PIP4K2A: variants seen among roughly 807,000 people sequenced by gnomAD.
The protein encoded by PIP4K2A is phosphatidylinositol 5-phosphate 4-kinase type-2 alpha.
In PIP4K2A, 14 loss-of-function variants were observed where a neutral mutation model predicts 42.9. The ratio of observed to expected loss-of-function variants is 0.33; its 90% CI spans 0.22 to 0.51. The LOEUF (loss-of-function observed/expected upper bound fraction) is 0.51, where lower values mean the gene tolerates loss of function less well. Ranked by LOEUF, PIP4K2A falls within the 20% of genes least tolerant of loss-of-function variation. The probability of loss-of-function intolerance (pLI) is 0.97; values close to 1 mark genes in which losing one functional copy is unlikely to be tolerated. For missense variants in PIP4K2A, 434 were observed against 519.8 expected, an observed-to-expected ratio of 0.83 and a Z score of 1.61; for synonymous variants, 192 against 192.2, an observed-to-expected ratio of 1.00 and a Z score of 0.01.
At chr10:22,619,799 C>T (rs1313065475) in intron 1 of PIP4K2A, among the ~76,000 whole-genome samples, 5 of 152,152 alleles carry the variant, frequency 3.3e-5, no homozygotes, top group Admixed American at 3.3e-4. Flanking sequence ...AGACAAAAAT[C>T]AAAGATCCAA....
At chr10:22,538,301 G>A (rs1306950759) in intron 9 of PIP4K2A, among the ~76,000 whole-genome samples, 1 of 152,226 alleles carries the variant, frequency 6.6e-6, no homozygotes, top group African/African-American at 2.4e-5. Context: ...GGCACACTAT[G>A]GAGGCGAACT....
chr10:22,558,779 A>C (rs1377732913), intron 6 of PIP4K2A, among the ~76,000 whole-genome samples: 1 of 152,186 alleles, frequency 6.6e-6, no homozygotes, highest in African/African-American at 2.4e-5. Flanking sequence ...ATGAATGTGG[A>C]AAGAGAATAT....
At chr10:22,664,092 T>TATATATATACATATATATATAC (rs1839273536) in intron 1 of PIP4K2A, among the ~76,000 whole-genome samples, 2 of 62,896 alleles carry the variant, frequency 3.2e-5, no homozygotes, top group African/African-American at 1.2e-4. Context: ...TATATATACA[T>TATATATATACATATATATATAC]ATATATATAT....
At chr10:22,634,705 T>C (rs1588676647) in intron 1 of PIP4K2A, among the ~76,000 whole-genome samples, 1 of 152,316 alleles carries the variant, frequency 6.6e-6, no homozygotes, top group Non-Finnish European at 1.5e-5. Flanking sequence ...AGGTGTAAAG[T>C]GTTTTAGGAA....
At chr10:22,579,282 G>A (rs1329970797) in intron 4 of PIP4K2A, among the ~76,000 whole-genome samples, 1 of 152,174 alleles carries the variant, frequency 6.6e-6, no homozygotes, top group African/African-American at 2.4e-5. Context: ...AGCATCACGG[G>A]AGAAACAGAA....
At chr10:22,694,970 A>G (rs904578162) in intron 1 of PIP4K2A, among the ~76,000 whole-genome samples, 1 of 152,232 alleles carries the variant, frequency 6.6e-6, no homozygotes, top group Non-Finnish European at 1.5e-5. Context: ...CCAGTTAGAA[A>G]GCACAGTCAA....
At chr10:22,710,545 T>C (rs912107920) in intron 1 of PIP4K2A, among the ~76,000 whole-genome samples, 2 of 152,220 alleles carry the variant, frequency 1.3e-5, no homozygotes, top group Admixed American at 1.3e-4. Flanking sequence ...TTCCCTGCTC[T>C]GTGGAGGAAC....
intron 1 of PIP4K2A, among the ~76,000 whole-genome samples, chr10:22,698,287 C>A (rs1425132199): frequency 6.6e-6 from 1 of 152,200 alleles, no homozygotes; most frequent in Non-Finnish European, 1.5e-5. Flanking sequence ...TTATTCCAAT[C>A]TTTGCTGTTC....
chr10:22,557,446 T>C (rs1836581133), intron 6 of PIP4K2A, among the ~76,000 whole-genome samples: 1 of 152,174 alleles, frequency 6.6e-6, no homozygotes, highest in South Asian at 2.1e-4. Context: ...ACCAAAAGAG[T>C]TAAATGCTTT....
intron 6 of PIP4K2A, among the ~76,000 whole-genome samples, chr10:22,556,704 A>T (rs1321290420): frequency 6.6e-6 from 1 of 152,206 alleles, no homozygotes; most frequent in African/African-American, 2.4e-5. Flanking sequence ...TAACCAAAAT[A>T]CTAGGGAATG....
At chr10:22,607,434 G>A (rs1048270127) in intron 3 of PIP4K2A, among the ~76,000 whole-genome samples, 42 of 152,278 alleles carry the variant, frequency 2.8e-4, no homozygotes, top group African/African-American at 1.0e-3. Flanking sequence ...TCACTCCACA[G>A]TCCAGCACTG....
At chr10:22,699,029 G>A (rs1833653472) in intron 1 of PIP4K2A, among the ~76,000 whole-genome samples, 2 of 152,084 alleles carry the variant, frequency 1.3e-5, no homozygotes, top group Non-Finnish European at 1.5e-5. Flanking sequence ...GTGAGTATCC[G>A]ATGCCAGAAC....
chr10:22,664,674 T>G (rs1311584830), intron 1 of PIP4K2A, among the ~76,000 whole-genome samples: 1 of 152,162 alleles, frequency 6.6e-6, no homozygotes, highest in East Asian at 1.9e-4. Context: ...ACTTTTATTT[T>G]TTAATGCTAA....
At position 22,714,413 on chromosome 10, in the gene PIP4K2A, T is replaced by C. The variant is rs1163957468; in HGVS notation, c.-87A>G. ...ACCCCGGCCCGGGGAGGCAGCCGCA[T>C]CCCCCCGGCGGCGGCCCCGGCGCGC... On this transcript the variant is annotated 5_prime_UTR_variant, in exon 1 of 10. An upstream start codon of the reference 5' UTR is lost. Coordinates refer to ENST00000376573, the MANE Select transcript of PIP4K2A (RefSeq NM_005028.5). The C allele has an allele frequency of 1.9e-5, 18 of 967,018 alleles. No homozygotes were observed. Among genetic ancestry groups the C allele is most frequent in the Non-Finnish European group, 2.3e-5 (18 of 783,620 alleles). The allele number at this position is 967,018 out of a possible 1,614,324, so 59.9% of individuals were successfully genotyped here. A position where few individuals can be genotyped will look rare whatever the true frequency, so the allele number is the denominator to read the frequency against.
rs113929543 is a variant in PIP4K2A, at chr10:22,589,270, G to C, written c.492+2359C>G. 3.9e-5 allele frequency among the ~76,000 whole-genome samples: 6 copies of C among 152,116 alleles called. No individual in the cohort carries two copies. In the East Asian group the frequency reaches 1.2e-3, roughly 29 times the overall value. On this transcript the variant is annotated intron_variant, in intron 4 of 9. Transcript: ENST00000376573. The stretch of plus-strand genomic sequence containing the variant: ...AAGTATGATATCAATTTCCAGAGGG[G>C]AAAAAATGAAAAAGTAGACAGTTTA...
chr10:22,673,852 T>C (rs1462385779), intron 1 of PIP4K2A, among the ~76,000 whole-genome samples: 1 of 152,174 alleles, frequency 6.6e-6, no homozygotes, highest in Non-Finnish European at 1.5e-5. Context: ...TCTTCAGTAA[T>C]ACACTGGATG....
chr10:22,584,154 G>A (rs1244408434), intron 4 of PIP4K2A, among the ~76,000 whole-genome samples: 2 of 152,022 alleles, frequency 1.3e-5, no homozygotes, highest in Non-Finnish European at 2.9e-5. Flanking sequence ...TTACAGAGGT[G>A]GGAACTCTCA....
chr10:22,673,986 C>A (rs1199212707), intron 1 of PIP4K2A, among the ~76,000 whole-genome samples: 1 of 152,202 alleles, frequency 6.6e-6, no homozygotes, highest in Non-Finnish European at 1.5e-5. Flanking sequence ...AGTCATTTTG[C>A]AAATGAAAGC....
At chr10:22,604,604 C>T (rs1476738939) in intron 3 of PIP4K2A, among the ~76,000 whole-genome samples, 2 of 152,222 alleles carry the variant, frequency 1.3e-5, no homozygotes, top group Non-Finnish European at 2.9e-5. Flanking sequence ...ACTGATCCTA[C>T]TTTCCAAGTC....
Sources: allele counts gnomAD v4.1 joint callset (sites outside exome capture counted in the v4.1 genomes callset), GRCh38; gene constraint gnomAD v4.1.1; transcripts MANE v1.5; gene names NCBI Gene and HGNC (gene_info 2026-07-23, HGNC 2026-07-21).